The following NFAT5 variants were observed in gnomAD, a reference collection of about 807,000 sequenced individuals.
NFAT5 encodes nuclear factor of activated T-cells 5.
Under a neutral mutation model 166.5 loss-of-function variants are expected in NFAT5, and 31 were observed. The observed-to-expected ratio is 0.19, with a 90% CI of 0.14 to 0.25. The LOEUF is 0.25. NFAT5 is among the 10% of genes least tolerant of loss of function. The probability of loss-of-function intolerance (pLI) is 1.00; values close to 1 mark genes in which losing one functional copy is unlikely to be tolerated. For missense variants in NFAT5, 1,449 were observed against 1,821.8 expected, an observed-to-expected ratio of 0.80 and a Z score of 3.72; for synonymous variants, 612 against 639.7, an observed-to-expected ratio of 0.96 and a Z score of 0.65.
chr16:69,581,823 ATGT>A (rs1002747156), intron 2 of NFAT5, among the ~76,000 whole-genome samples: 73 of 152,296 alleles, frequency 4.8e-4, no homozygotes, highest in African/African-American at 1.6e-3. Flanking sequence ...CATGTACAAC[ATGT>A]TGTTTTGAAA....
chr16:69,577,236 G>A (rs2016812308), intron 2 of NFAT5, among the ~76,000 whole-genome samples: 1 of 152,002 alleles, frequency 6.6e-6, no homozygotes, highest in Non-Finnish European at 1.5e-5. Context: ...TATAAAGGAG[G>A]TTTGCTATTG....
intron 2 of NFAT5, among the ~76,000 whole-genome samples, chr16:69,610,638 C>G (rs559551553): frequency 2.6e-4 from 39 of 152,272 alleles, no homozygotes; most frequent in African/African-American, 8.7e-4. Flanking sequence ...CCAGCTTTAG[C>G]TAGTCTTGGC....
Position 69,692,145 on chromosome 16 carries a change from C to A in NFAT5, c.2320C>A (p.Gln774Lys), listed in dbSNP as rs2151719034. The part of the protein sequence containing the change: ...LQEQAQTLQQ[Q>K]ISSNIFPSPN... The stretch of plus-strand genomic sequence containing the variant: ...AGAACAAGCACAGACTTTACAGCAG[C>A]AGATTTCATCAAATATTTTTCCATC... The change falls in exon 13 of 15, where the codon CAG becomes AAG. Residue 774 changes from glutamine to lysine, a missense_variant. By Grantham distance (53) the Gln-to-Lys change is moderately conservative. This residue lies in a region of NFAT5 where 891 missense variants were observed against 993.0 expected (regional missense o/e 0.90). Coordinates refer to ENST00000349945, the MANE Select transcript of NFAT5 (RefSeq NM_138713.4). 2.5e-6 allele frequency: 4 copies of A among 1,614,146 alleles called. No homozygotes were observed. The highest frequency in any genetic ancestry group is 3.4e-6 in the Non-Finnish European group (4 of 1,180,038).
chr16:69,627,001 C>T (rs2034488438), intron 3 of NFAT5, among the ~76,000 whole-genome samples: 1 of 151,676 alleles, frequency 6.6e-6, no homozygotes, highest in South Asian at 2.1e-4. Context: ...ATATATGTGA[C>T]TTCGTAGTTT....
chr16:69,593,896 A>G (rs993052989), intron 2 of NFAT5, among the ~76,000 whole-genome samples: 12 of 152,188 alleles, frequency 7.9e-5, no homozygotes, highest in African/African-American at 2.7e-4. Context: ...AGCTGTATCT[A>G]TTAATGGGGT....
intron 2 of NFAT5, among the ~76,000 whole-genome samples, chr16:69,594,276 C>T (rs369858072): frequency 2.3e-4 from 35 of 152,184 alleles, no homozygotes; most frequent in East Asian, 1.2e-3. Context: ...CAAATCTGTA[C>T]GACATGTTAC....
chr16:69,663,042 G>A (rs2151653974), intron 7 of NFAT5, among the ~76,000 whole-genome samples: 1 of 152,176 alleles, frequency 6.6e-6, no homozygotes, highest in South Asian at 2.1e-4. Context: ...TAAAATGAGA[G>A]GTAAAAAGGA....
intron 1 of NFAT5, among the ~76,000 whole-genome samples, chr16:69,567,118 C>T (rs1400885425): frequency 2.0e-5 from 3 of 152,150 alleles, no homozygotes; most frequent in Non-Finnish European, 4.4e-5. Flanking sequence ...GGTTTTATTC[C>T]TCTCCTCTCC....
intron 2 of NFAT5, among the ~76,000 whole-genome samples, chr16:69,588,980 C>CCTTTTT (rs2032281581): frequency 2.9e-5 from 1 of 34,342 alleles, no homozygotes; most frequent in African/African-American, 8.7e-5. Context: ...TTTCCTACTT[C>CCTTTTT]TTTTTTTTTT....
intron 11 of NFAT5, chr16:69,686,199 A>C (rs937983502): frequency 2.7e-5 from 4 of 149,584 alleles, no homozygotes; most frequent in Admixed American, 2.7e-4. Context: ...AAATACAAAA[A>C]AAAATTAGCC....
At chr16:69,606,839 G>A (rs1036500144) in intron 2 of NFAT5, among the ~76,000 whole-genome samples, 1 of 152,088 alleles carries the variant, frequency 6.6e-6, no homozygotes, top group African/African-American at 2.4e-5. Flanking sequence ...GGGTGATAGA[G>A]GGAGACTGTC....
Position 69,703,282 on chromosome 16 carries a change from G to A in NFAT5, c.*6931G>A, listed in dbSNP as rs918649933. 2.0e-5 allele frequency: 3 copies of A among 152,530 alleles called. No individual in the cohort carries two copies. The highest frequency in any genetic ancestry group is 4.4e-5 in the Non-Finnish European group (3 of 68,026). 9.4% of individuals were successfully genotyped at this position (152,530 alleles called of 1,614,324 possible). ...TTTAATAGGTAAAACTTCTTCAAAA[G>A]TAGCTTGCTTTGTATAAGAACTAAG... On this transcript the variant is annotated 3_prime_UTR_variant, in exon 15 of 15. Transcript: ENST00000349945.
At chr16:69,659,367 C>T (rs923090383) in intron 6 of NFAT5, among the ~76,000 whole-genome samples, 1 of 151,890 alleles carries the variant, frequency 6.6e-6, no homozygotes, top group East Asian at 1.9e-4. Flanking sequence ...CCTTGAACCC[C>T]AGGAGACAGA....
chr16:69,575,647 AAAGC>A (rs1253107236), intron 2 of NFAT5, among the ~76,000 whole-genome samples: 1 of 147,350 alleles, frequency 6.8e-6, no homozygotes, highest in Non-Finnish European at 1.5e-5. Flanking sequence ...ATAAATAAAT[AAAGC>A]AAGAGAAGAA....
rs2037881112 is a variant in NFAT5, at chr16:69,700,605, ATC to A, written c.*4256_*4257del. ...TTCTGATGAAGATTTCTGTTCCAAT[ATC>A]TGTTTCCTAATAGATTTTTTAAATT... is the stretch of plus-strand genomic sequence containing the variant. On this transcript the variant is annotated 3_prime_UTR_variant, in exon 15 of 15. Coordinates refer to ENST00000349945, the MANE Select transcript of NFAT5 (RefSeq NM_138713.4). 6.6e-6 allele frequency: 1 copy of A among 152,172 alleles called. No individual in the cohort carries two copies. Among genetic ancestry groups the A allele is most frequent in the African/African-American group, 2.4e-5 (1 of 41,452 alleles). The allele number at this position is 152,172 out of a possible 1,614,324, so 9.4% of individuals were successfully genotyped here. A position where few individuals can be genotyped will look rare whatever the true frequency, so the allele number is the denominator to read the frequency against.
chr16:69,688,218 A>AAAAAAAAAAAAAAAAAG (rs2037402930), intron 11 of NFAT5, among the ~76,000 whole-genome samples: 1 of 126,256 alleles, frequency 7.9e-6, no homozygotes, highest in Non-Finnish European at 1.7e-5. Flanking sequence ...AAAAAAAAAA[A>AAAAAAAAAAAAAAAAAG]AAAAAAAACC....
chr16:69,693,893 C>T lies in NFAT5; in HGVS notation c.4068C>T (p.Asn1356=), dbSNP rs774416550. The change falls in exon 13 of 15, where the codon AAC becomes AAT. Residue 1356 remains asparagine (N), a synonymous_variant. Coordinates refer to ENST00000349945, the MANE Select transcript of NFAT5 (RefSeq NM_138713.4). Reference sequence around the variant, plus strand: ...AGTCCACAGTTTCCTCACTTCAGAACCCAGGTCCTACCCAGTCGGAATCAT... The same window carrying T: ...AGTCCACAGTTTCCTCACTTCAGAATCCAGGTCCTACCCAGTCGGAATCAT... ...QSQSTVSSLQ[N]PGPTQSESSQ... is the part of the protein sequence containing the mutation. The T allele has an allele frequency of 9.3e-6, 15 of 1,614,110 alleles. No homozygotes were observed. Among genetic ancestry groups the T allele is most frequent in the Non-Finnish European group, 1.2e-5 (14 of 1,180,048 alleles).
intron 4 of NFAT5, chr16:69,648,906 A>G (rs1299351170): frequency 2.1e-6 from 2 of 958,222 alleles, no homozygotes; most frequent in African/African-American, 1.8e-5. Flanking sequence ...CCCTCAGTAC[A>G]TTTTAAAAAG....
At chr16:69,595,407 T>G (rs1455343484) in intron 2 of NFAT5, among the ~76,000 whole-genome samples, 1 of 152,158 alleles carries the variant, frequency 6.6e-6, no homozygotes, top group East Asian at 1.9e-4. Context: ...AGGGGATCCC[T>G]TGTTGCTCAT....
Sources: allele counts gnomAD v4.1 joint callset (sites outside exome capture counted in the v4.1 genomes callset), GRCh38; gene constraint gnomAD v4.1.1; regional missense constraint gnomAD v4.1.1; transcripts MANE v1.5; gene names NCBI Gene and HGNC (gene_info 2026-07-23, HGNC 2026-07-21).